ATG2B: variants seen among roughly 807,000 people sequenced by gnomAD.
ATG2B encodes autophagy related 2B.
In ATG2B, 121 loss-of-function variants were observed where a neutral mutation model predicts 241.3. The ratio of observed to expected loss-of-function variants is 0.50; its 90% CI spans 0.43 to 0.58. The LOEUF (loss-of-function observed/expected upper bound fraction) is 0.58. Among genes scored for constraint, ATG2B ranks in the 20% least tolerant of loss-of-function variants. ATG2B has a pLI of 0.00. For synonymous variants in ATG2B, 858 were observed against 876.6 expected (o/e 0.98, Z 0.37); for missense variants, 2,306 against 2,491.6 (o/e 0.93, Z 1.59).
At chr14:96,361,119 G>A (rs1888617409) in intron 1 of ATG2B, among the ~76,000 whole-genome samples, 1 of 151,856 alleles carries the variant, frequency 6.6e-6, no homozygotes, top group Non-Finnish European at 1.5e-5. Flanking sequence ...TACAAAACCC[G>A]CCCATCAAGA....
At chr14:96,329,462 A>C (rs766887871) in intron 12 of ATG2B, 22 bp downstream of exon 12, 1 of 1,507,746 alleles carries the variant, frequency 6.6e-7, no homozygotes, top group South Asian at 1.3e-5. Flanking sequence ...ATAATCTTAA[A>C]GAAAAAGTAT....
chr14:96,291,279 TA>T (rs996371185), intron 38 of ATG2B, among the ~76,000 whole-genome samples: 1 of 152,188 alleles, frequency 6.6e-6, no homozygotes, highest in Non-Finnish European at 1.5e-5. Context: ...GGCATAAGAT[TA>T]ACCCAAAGTT....
chr14:96,295,253 C>A, intron 35 of ATG2B, 86 bp from the exon 36 acceptor site: 1 of 1,264,866 alleles, frequency 7.9e-7, no homozygotes. Context: ...ATTTGTTTTT[C>A]TACATTTTAT....
chr14:96,308,278 A>G (rs1210402407), intron 29 of ATG2B, among the ~76,000 whole-genome samples: 1 of 27,704 alleles, frequency 3.6e-5, no homozygotes, highest in Non-Finnish European at 6.8e-5. Context: ...ATATATATAT[A>G]TATATTTTTT....
chr14:96,351,901 CAAA>C (rs35331211), intron 1 of ATG2B, among the ~76,000 whole-genome samples: 1 of 130,838 alleles, frequency 7.6e-6, no homozygotes. Flanking sequence ...GACCTTGTCT[CAAA>C]AAAAAAAAAA....
rs1408271339 is a variant in ATG2B, at chr14:96,285,057, AG to A, written c.*697del. 1 of 152,252 alleles carries A rather than the reference AG, an allele frequency of 6.6e-6. No individual in the cohort carries two copies. The highest frequency in any genetic ancestry group is 2.4e-5 in the African/African-American group (1 of 41,456). The allele number at this position is 152,252 out of a possible 1,614,324, so 9.4% of individuals were successfully genotyped here. A position where few individuals can be genotyped will look rare whatever the true frequency, so the allele number is the denominator to read the frequency against. On this transcript the variant is annotated 3_prime_UTR_variant, in exon 42 of 42. Transcript: ENST00000359933. This position sits in a 1 kb window ranked among gnomAD's most constrained non-coding sequence, Gnocchi z 4.2. ...TTCCTTTGCCAAAAACTTTCAGACA[AG>A]TTTACTGCTCTTTATATTTTGTGTA... is the stretch of plus-strand genomic sequence containing the variant.
Position 96,313,435 on chromosome 14 carries a change from T to C in ATG2B, c.3643A>G (p.Ile1215Val). 6.6e-7 allele frequency: 1 copy of C among 1,521,582 alleles called. No individual in the cohort carries two copies. Among genetic ancestry groups the C allele is most frequent in the Non-Finnish European group, 8.8e-7 (1 of 1,130,682 alleles). 94.3% of individuals were successfully genotyped at this position (1,521,582 alleles called of 1,614,324 possible). ...LPSGLSWHEQILYFLNIADEP... is the reference protein window; with the variant it reads ...LPSGLSWHEQVLYFLNIADEP... The stretch of plus-strand genomic sequence containing the variant: ...TCAGCAATATTCAAGAAGTATAAAA[T>C]CTATAATCACAAAAAATTAAAACGC... Residue 1215 changes from isoleucine to valine, a missense_variant and splice_region_variant, in exon 24 of 42, where the codon ATT becomes GTT. By Grantham distance (29) the Ile-to-Val change is conservative. This residue lies in a region of ATG2B where 1,927 missense variants were observed against 2,011.2 expected (regional missense o/e 0.96). Coordinates refer to ENST00000359933, the MANE Select transcript of ATG2B (RefSeq NM_018036.7).
At chr14:96,331,902 A>G (rs544018614) in intron 10 of ATG2B, among the ~76,000 whole-genome samples, 14 of 152,296 alleles carry the variant, frequency 9.2e-5, no homozygotes, top group Non-Finnish European at 1.8e-4. Flanking sequence ...TGGAAAACTC[A>G]AGATTAACCA....
intron 2 of ATG2B, among the ~76,000 whole-genome samples, chr14:96,346,194 C>T (rs903761469): frequency 1.3e-5 from 2 of 152,016 alleles, no homozygotes; most frequent in Admixed American, 1.3e-4. Context: ...AAAGAGCATC[C>T]TTGGAGGAGG....
intron 34 of ATG2B, among the ~76,000 whole-genome samples, chr14:96,300,601 G>C (rs1051696500): frequency 3.3e-5 from 5 of 152,180 alleles, no homozygotes; most frequent in African/African-American, 1.2e-4. Flanking sequence ...TCAAAGTCTT[G>C]TTCACACTGG....
intron 28 of ATG2B, 41 bp from the exon 29 acceptor site, chr14:96,309,635 C>G: frequency 1.9e-6 from 3 of 1,562,444 alleles, no homozygotes; most frequent in Non-Finnish European, 2.6e-6. Flanking sequence ...TGAAAATGCT[C>G]TTAAAAACCA....
chr14:96,357,428 C>T (rs1199084683), intron 1 of ATG2B, among the ~76,000 whole-genome samples: 1 of 152,190 alleles, frequency 6.6e-6, no homozygotes, highest in Non-Finnish European at 1.5e-5. Context: ...TGCAATCTTC[C>T]TATACGTATA....
chr14:96,312,987 A>G, intron 25 of ATG2B, 78 bp downstream of exon 25: 2 of 919,190 alleles, frequency 2.2e-6, no homozygotes, highest in Non-Finnish European at 3.3e-6. Context: ...TGAGACTTTA[A>G]TAAAATGGTT....
At position 96,362,870 on chromosome 14, in the gene ATG2B, C is replaced by T. The variant is rs752967956; in HGVS notation, c.107G>A (p.Ser36Asn). Reference protein sequence around the residue: ...LQEKLSLEQLSLDLYQGTGSL... With the variant: ...LQEKLSLEQLNLDLYQGTGSL... ...CCCGGTGCCTTGGTACAGGTCCAGG[C>T]TGAGCTGCTCCAGGCTCAGCTTCTC... The change falls in exon 1 of 42, where the codon AGC becomes AAC. Residue 36 changes from serine to asparagine, a missense_variant. Coordinates refer to ENST00000359933, the MANE Select transcript of ATG2B (RefSeq NM_018036.7). The T allele has an allele frequency of 6.2e-7, 1 of 1,613,280 alleles. No individual in the cohort carries two copies. Among genetic ancestry groups the T allele is most frequent in the African/African-American group, 1.3e-5 (1 of 74,926 alleles).
intron 14 of ATG2B, among the ~76,000 whole-genome samples, chr14:96,327,904 G>A (rs144351284): frequency 2.6e-5 from 4 of 152,038 alleles, no homozygotes; most frequent in Non-Finnish European, 5.9e-5. Context: ...TGCAACCTCC[G>A]CCTCCTGGGT....
intron 34 of ATG2B, among the ~76,000 whole-genome samples, chr14:96,298,064 G>C (rs1389216920): frequency 6.6e-6 from 1 of 152,048 alleles, no homozygotes; most frequent in Non-Finnish European, 1.5e-5. Context: ...CAAAGTGGTA[G>C]GATTACAGGC....
At position 96,281,470 on chromosome 14, in the gene ATG2B, A is replaced by G. The variant is rs1292893896; in HGVS notation, c.*4285T>C. The G allele has an allele frequency of 6.6e-6, 1 of 152,210 alleles. No individual in the cohort carries two copies. Among genetic ancestry groups the G allele is most frequent in the African/African-American group, 2.4e-5 (1 of 41,450 alleles). 9.4% of individuals were successfully genotyped at this position (152,210 alleles called of 1,614,324 possible). A position where few individuals can be genotyped will look rare whatever the true frequency, so the allele number is the denominator to read the frequency against. On this transcript the variant is annotated 3_prime_UTR_variant, in exon 42 of 42. Coordinates refer to ENST00000359933, the MANE Select transcript of ATG2B (RefSeq NM_018036.7). ...CTTTTACTTGTGGTGAGATAAATTC[A>G]ATGTCTAAAATAAGTCAGGATGGAT...
Position 96,356,065 on chromosome 14 carries a change from G to A in ATG2B, c.162+6750C>T, listed in dbSNP as rs940349362. Among the ~76,000 whole-genome samples the A allele has an allele frequency of 2.0e-5, 3 of 152,106 alleles. No homozygotes were observed. In the South Asian group the frequency reaches 6.2e-4, roughly 32 times the overall value. ...GGGAGCCTGTAGTCCCAGCTACTCG[G>A]GAGGCTGAGGCAGAAGAATGGCATA... On this transcript the variant is annotated intron_variant, in intron 1 of 41. Transcript: ENST00000359933.
rs750412776 is a variant in ATG2B, at chr14:96,302,023, C to A, written c.5123G>T (p.Arg1708Leu). 6.8e-6 allele frequency: 11 copies of A among 1,613,764 alleles called. No individual in the cohort carries two copies. The highest frequency in any genetic ancestry group is 9.3e-6 in the Non-Finnish European group (11 of 1,179,792). The part of the protein sequence containing the change: ...CCLRVSLMPL[R>L]LNIDQDALFF... Reference sequence around the variant, plus strand: ...GCTACAAACCTGGTCAATATTGAGGCGGAGCGGCATCAGCGACACTCTCAA... The same window carrying A: ...GCTACAAACCTGGTCAATATTGAGGAGGAGCGGCATCAGCGACACTCTCAA... Residue 1708 changes from arginine (R) to leucine (L), a missense_variant, in exon 34 of 42, where the codon CGC becomes CTC. Arg to Leu is a moderately radical substitution (Grantham distance 102). Transcript: ENST00000359933.
Sources: allele counts gnomAD v4.1 joint callset (sites outside exome capture counted in the v4.1 genomes callset), GRCh38; gene constraint gnomAD v4.1.1; regional missense constraint gnomAD v4.1.1; non-coding constraint Gnocchi (gnomAD v3.1); transcripts MANE v1.5; gene names NCBI Gene and HGNC (gene_info 2026-07-23, HGNC 2026-07-21).